The following ARID1B variants were observed in gnomAD, a reference collection of about 807,000 sequenced individuals.
The protein encoded by ARID1B is AT-rich interaction domain 1B.
Under a neutral mutation model 212.3 loss-of-function variants are expected in ARID1B, and 30 were observed. The observed-to-expected ratio is 0.14, with a 90% CI of 0.11 to 0.19. The LOEUF is 0.19. Ranked by LOEUF, ARID1B falls within the 10% of genes least tolerant of loss-of-function variation. ARID1B has a pLI of 1.00. For synonymous variants in ARID1B, 1,402 were observed against 1,301.7 expected (o/e 1.08, Z -1.66); for missense variants, 2,891 against 3,204.0 (o/e 0.90, Z 2.36).
At chr6:157,037,647 A>G (rs565416123) in intron 4 of ARID1B, among the ~76,000 whole-genome samples, 8 of 152,236 alleles carry the variant, frequency 5.3e-5, no homozygotes, top group Non-Finnish European at 7.3e-5. Context: ...ACTTTCTCCT[A>G]TAAAAAATGG....
intron 4 of ARID1B, among the ~76,000 whole-genome samples, chr6:157,049,740 C>G (rs1394185342): frequency 6.6e-6 from 1 of 152,072 alleles, no homozygotes; most frequent in Non-Finnish European, 1.5e-5. Flanking sequence ...ACGGTAAAAT[C>G]AATAAAATTT....
At chr6:156,795,729 G>T (rs1247798846) in intron 1 of ARID1B, among the ~76,000 whole-genome samples, 1 of 152,078 alleles carries the variant, frequency 6.6e-6, no homozygotes, top group Non-Finnish European at 1.5e-5. Flanking sequence ...TCAGGTGTGG[G>T]AGGGCTCCCG....
At chr6:156,980,757 G>A (rs183974696) in intron 4 of ARID1B, among the ~76,000 whole-genome samples, 75 of 152,282 alleles carry the variant, frequency 4.9e-4, no homozygotes, top group African/African-American at 1.6e-3. Context: ...CCCGGAACCC[G>A]GCAGTCTGGG....
In ARID1B at chr6:156,778,332, T is replaced by C; in HGVS notation, c.652T>C (p.Ser218Pro). The C allele has an allele frequency of 6.5e-7, 1 of 1,542,148 alleles. No individual in the cohort carries two copies. Among genetic ancestry groups the C allele is most frequent in the Non-Finnish European group, 8.7e-7 (1 of 1,145,796 alleles). Residue 218 changes from serine (S) to proline (P), a missense_variant, in exon 1 of 20, where the codon TCC becomes CCC. Around this residue, in one of 7 missense-constraint regions of ARID1B, gnomAD observed 1,643 missense variants for 1,544.0 expected, o/e 1.06. Coordinates refer to ENST00000636930, the MANE Select transcript of ARID1B (RefSeq NM_001374828.1). The part of the protein sequence containing the change: ...QQQQQQQHPI[S>P]NNNSLGGAGG... ...GCAGCAGCAACAGCAACATCCCATT[T>C]CCAACAACAACAGCTTGGGCGGCGC...
intron 7 of ARID1B, among the ~76,000 whole-genome samples, chr6:157,137,316 T>TTTTTA (rs1788997635): frequency 6.6e-6 from 1 of 152,260 alleles, no homozygotes; most frequent in South Asian, 2.1e-4. Flanking sequence ...TTACAGTATA[T>TTTTTA]TTTATGAAAT....
At chr6:156,836,166 C>T (rs1783497016) in intron 2 of ARID1B, among the ~76,000 whole-genome samples, 1 of 152,068 alleles carries the variant, frequency 6.6e-6, no homozygotes, top group Non-Finnish European at 1.5e-5. Flanking sequence ...AACGGAAATC[C>T]CACAAGATAA....
At chr6:156,844,650 G>A (rs1456308451) in intron 2 of ARID1B, among the ~76,000 whole-genome samples, 1 of 152,188 alleles carries the variant, frequency 6.6e-6, no homozygotes, top group Non-Finnish European at 1.5e-5. Context: ...GGTGAAGGAT[G>A]ATAGGGAAAT....
intron 11 of ARID1B, among the ~76,000 whole-genome samples, chr6:157,179,919 GA>G (rs1267133273): frequency 7.0e-6 from 1 of 142,760 alleles, no homozygotes; most frequent in Non-Finnish European, 1.5e-5. Context: ...GCTAAATAAA[GA>G]AAAAAGGAAA....
At position 156,994,328 on chromosome 6, in the gene ARID1B, G is replaced by A. The variant is rs151247906; in HGVS notation, c.2247+58752G>A. 8.8e-4 allele frequency among the ~76,000 whole-genome samples: 134 copies of A among 152,214 alleles called. 1 individual carries two copies. Among genetic ancestry groups the A allele is most frequent in the Admixed American group, 8.4e-3 (128 of 15,298 alleles). ...TGACTGTATACATAGGTGGCAGACA[G>A]TCTTAATGCAGAAAGCGCTAATGGG... On this transcript the variant is annotated intron_variant, in intron 4 of 19. Coordinates refer to ENST00000636930, the MANE Select transcript of ARID1B (RefSeq NM_001374828.1).
At chr6:156,781,975 CTTTTTTTTTTTTTTTT>C (rs57443841) in intron 1 of ARID1B, among the ~76,000 whole-genome samples, 5 of 39,228 alleles carry the variant, frequency 1.3e-4, no homozygotes, top group East Asian at 8.7e-4. Context: ...TGGGAATAGG[CTTTTTTTTTTTTTTTT>C]TTTTTTTTTT....
chr6:156,861,147 C>T (rs1224279434), intron 2 of ARID1B, among the ~76,000 whole-genome samples: 1 of 152,062 alleles, frequency 6.6e-6, no homozygotes, highest in African/African-American at 2.4e-5. Context: ...TTTGAAGGTG[C>T]CAGTGAAGGA....
At chr6:157,022,028 T>C (rs942373967) in intron 4 of ARID1B, among the ~76,000 whole-genome samples, 1 of 152,168 alleles carries the variant, frequency 6.6e-6, no homozygotes, top group Non-Finnish European at 1.5e-5. Flanking sequence ...GCTGGATGAG[T>C]TGGAACCCGT....
intron 16 of ARID1B, among the ~76,000 whole-genome samples, chr6:157,198,126 T>G (rs1793859852): frequency 6.6e-6 from 1 of 152,220 alleles, no homozygotes; most frequent in South Asian, 2.1e-4. Flanking sequence ...AATTTCTTAA[T>G]ATACTAGTAG....
chr6:156,913,645 AC>A (rs1262284979), intron 3 of ARID1B, among the ~76,000 whole-genome samples: 1 of 149,914 alleles, frequency 6.7e-6, no homozygotes, highest in African/African-American at 2.5e-5. Flanking sequence ...CTTCCAGCCC[AC>A]CCCAGCCCGT....
intron 3 of ARID1B, among the ~76,000 whole-genome samples, chr6:156,916,651 A>G (rs1790380744): frequency 6.6e-6 from 1 of 152,014 alleles, no homozygotes; most frequent in Non-Finnish European, 1.5e-5. Flanking sequence ...CCCCGTTGTC[A>G]GGTCTCGATG....
intron 16 of ARID1B, 157 bp from the exon 17 acceptor site, chr6:157,198,654 G>A (rs571622321): frequency 1.7e-5 from 10 of 584,746 alleles, no homozygotes; most frequent in South Asian, 4.8e-5. Flanking sequence ...AACAGTTGGC[G>A]TGCAGCTGCC....
chr6:157,083,863 G>A (rs886519014), intron 4 of ARID1B, among the ~76,000 whole-genome samples: 1 of 152,200 alleles, frequency 6.6e-6, no homozygotes, highest in African/African-American at 2.4e-5. Flanking sequence ...GCCAGGCACA[G>A]TGGCTCATGC....
chr6:157,108,863 A>C (rs994168857), intron 5 of ARID1B, among the ~76,000 whole-genome samples: 2 of 152,210 alleles, frequency 1.3e-5, no homozygotes, highest in African/African-American at 4.8e-5. Flanking sequence ...CATATTTCTC[A>C]GTGTCTATAA....
chr6:156,832,760 C>G (rs1429428666), intron 2 of ARID1B, among the ~76,000 whole-genome samples: 1 of 152,098 alleles, frequency 6.6e-6, no homozygotes, highest in Non-Finnish European at 1.5e-5. Flanking sequence ...TATTTTTTGT[C>G]TCTGAGAGTC....
Sources: gnomAD v4.1 joint callset for allele counts (sites outside exome capture counted in the v4.1 genomes callset) on GRCh38, gnomAD v4.1.1 for gene constraint, gnomAD v4.1.1 regional missense constraint, MANE v1.5 for transcripts, NCBI Gene and HGNC (gene_info 2026-07-23, HGNC 2026-07-21) for gene names.